The following ST3GAL5 variants were observed in gnomAD, a reference collection of about 807,000 sequenced individuals.
ST3GAL5 encodes ST3 beta-galactoside alpha-2,3-sialyltransferase 5.
In ST3GAL5, 25 loss-of-function variants were observed where a neutral mutation model predicts 46.1. The observed-to-expected ratio is 0.54, with a 90% confidence interval of 0.40 to 0.76. ST3GAL5 has a LOEUF of 0.76. Ranked by LOEUF, ST3GAL5 falls within the 30% of genes least tolerant of loss-of-function variation. The probability of loss-of-function intolerance (pLI) is 0.00; values close to 1 mark genes in which losing one functional copy is unlikely to be tolerated. For missense variants in ST3GAL5, 431 were observed against 521.2 expected (o/e 0.83, Z 1.69); for synonymous variants, 182 against 192.7 (o/e 0.94, Z 0.46).
intron 3 of ST3GAL5, chr2:85,851,836 ACT>A (rs1467042082): frequency 3.3e-6 from 2 of 611,528 alleles, no homozygotes; most frequent in Non-Finnish European, 4.9e-6. Context: ...GGAGCTGGTG[ACT>A]CTCTCGTAAA....
chr2:85,862,275 C>A (rs1684811049), intron 2 of ST3GAL5, among the ~76,000 whole-genome samples: 1 of 151,466 alleles, frequency 6.6e-6, no homozygotes, highest in African/African-American at 2.4e-5. Context: ...CGGGGCATGG[C>A]AGAGCACACA....
intron 1 of ST3GAL5, among the ~76,000 whole-genome samples, chr2:85,872,591 A>C (rs1466708080): frequency 6.6e-6 from 1 of 152,060 alleles, no homozygotes; most frequent in Non-Finnish European, 1.5e-5. Flanking sequence ...TCTCAAAAAA[A>C]AAAAAAAAAT....
In ST3GAL5 at chr2:85,848,445, G is replaced by A. The variant is rs1683090171; in HGVS notation, c.319-241C>T. 3 of 1,482,400 alleles carry A rather than the reference G, an allele frequency of 2.0e-6. No homozygotes were observed. The Admixed American group carries it at 6.1e-5, about 30-fold the overall frequency. The allele number at this position is 1,482,400 out of a possible 1,614,324, so 91.8% of individuals were successfully genotyped here. On this transcript the variant is annotated intron_variant, in intron 3 of 6. Coordinates refer to ENST00000638572, the MANE Select transcript of ST3GAL5 (RefSeq NM_003896.4). ...GTATTCATTTCATTGCACAGGCAAAGCAAGAAGGACTCCCGCCTCCCACCC... is the reference window on the plus strand; with the variant it reads ...GTATTCATTTCATTGCACAGGCAAAACAAGAAGGACTCCCGCCTCCCACCC...
At chr2:85,879,816 C>T (rs1343877719) in intron 1 of ST3GAL5, among the ~76,000 whole-genome samples, 2 of 152,262 alleles carry the variant, frequency 1.3e-5, no homozygotes, top group South Asian at 2.1e-4. Context: ...ACATATGGGC[C>T]TTTTACTAAA....
chr2:85,856,758 T>C (rs1684156394), intron 3 of ST3GAL5, among the ~76,000 whole-genome samples: 1 of 151,608 alleles, frequency 6.6e-6, no homozygotes, highest in Admixed American at 6.6e-5. Flanking sequence ...TTAATAGAGA[T>C]GATGTCTTGG....
rs112062805 is a variant in ST3GAL5 at position 85,871,962 on chromosome 2, C to T, written c.83-8477G>A. Reference sequence around the variant, plus strand: ...ATAGGCTAATATGGCCAGCAGAGCACACTCTGTGGGGTGGGAGGATTCCAA... The same window carrying T: ...ATAGGCTAATATGGCCAGCAGAGCATACTCTGTGGGGTGGGAGGATTCCAA... On this transcript the variant is annotated intron_variant, in intron 1 of 6. Transcript: ENST00000638572. Among the ~76,000 whole-genome samples, 69 of 152,296 alleles carry T rather than the reference C, an allele frequency of 4.5e-4. 2 individuals are homozygous for T. The highest frequency in any genetic ancestry group is 1.6e-3 in the African/African-American group (68 of 41,554).
chr2:85,882,067 A>G (rs1687216484), intron 1 of ST3GAL5, among the ~76,000 whole-genome samples: 2 of 152,248 alleles, frequency 1.3e-5, no homozygotes, highest in Admixed American at 1.3e-4. Context: ...GCCAATGTAC[A>G]GCTTGGGCTG....
intron 6 of ST3GAL5, among the ~76,000 whole-genome samples, chr2:85,843,833 A>G (rs1045047333): frequency 3.3e-5 from 5 of 152,234 alleles, no homozygotes; most frequent in African/African-American, 9.6e-5. Context: ...CAAAATAAAA[A>G]TCGTCCACGG....
chr2:85,847,707 A>C (rs1228023079), intron 4 of ST3GAL5, 154 bp downstream of exon 4: 22 of 1,319,312 alleles, frequency 1.7e-5, no homozygotes, highest in African/African-American at 8.9e-5. Context: ...TGGTGGGAGG[A>C]TCTCCTGAGC....
chr2:85,862,949 T>C (rs7572209), intron 2 of ST3GAL5, among the ~76,000 whole-genome samples: 26,860 of 152,220 alleles, frequency 0.18, 2,816 homozygotes, highest in South Asian at 0.34. Context: ...CTCAAACACC[T>C]GTCATCATTT....
At chr2:85,854,599 T>G (rs1361552773) in intron 3 of ST3GAL5, 1 of 152,246 alleles carries the variant, frequency 6.6e-6, no homozygotes, top group Non-Finnish European at 1.5e-5. Context: ...GCATTACTGA[T>G]GTACTCAAAG....
chr2:85,888,935 G>C lies in ST3GAL5; in HGVS notation c.-30C>G. ...ATGAGGGGGCGCCGGCCGGCCGCCA[G>C]CCCGGTACCCCGCGCCCCCACCCGC... is the stretch of plus-strand genomic sequence containing the variant. On this transcript the variant is annotated 5_prime_UTR_variant, in exon 1 of 7. Transcript: ENST00000638572. 7.6e-7 allele frequency: 1 copy of C among 1,314,470 alleles called. No individual in the cohort carries two copies. The highest frequency in any genetic ancestry group is 9.7e-7 in the Non-Finnish European group (1 of 1,029,650). The allele number at this position is 1,314,470 out of a possible 1,614,324, so 81.4% of individuals were successfully genotyped here.
intron 1 of ST3GAL5, among the ~76,000 whole-genome samples, chr2:85,886,345 G>C (rs978081435): frequency 6.6e-6 from 1 of 152,172 alleles, no homozygotes; most frequent in African/African-American, 2.4e-5. Flanking sequence ...TAAGGCAGGA[G>C]GATTGCTTGA....
Position 85,839,992 on chromosome 2 carries a change from G to A in ST3GAL5, c.*152C>T. 2 of 1,160,464 alleles carry A rather than the reference G, an allele frequency of 1.7e-6. No individual in the cohort carries two copies. The highest frequency in any genetic ancestry group is 2.4e-6 in the Non-Finnish European group (2 of 826,242). The allele number at this position is 1,160,464 out of a possible 1,614,324, so 71.9% of individuals were successfully genotyped here. A position where few individuals can be genotyped will look rare whatever the true frequency, so the allele number is the denominator to read the frequency against. Reference sequence around the variant, plus strand: ...CAAATAAATAGGAAAAAAAAAGTGGGAAGAGCTAAAATTTTTTTTGTGTTT... The same window carrying A: ...CAAATAAATAGGAAAAAAAAAGTGGAAAGAGCTAAAATTTTTTTTGTGTTT... On this transcript the variant is annotated 3_prime_UTR_variant, in exon 7 of 7. Transcript: ENST00000638572.
At chr2:85,862,207 T>C (rs1186812994) in intron 2 of ST3GAL5, among the ~76,000 whole-genome samples, 2 of 152,090 alleles carry the variant, frequency 1.3e-5, no homozygotes, top group Non-Finnish European at 2.9e-5. Context: ...AAGTTGGGAT[T>C]ATGTATAATG....
intron 1 of ST3GAL5, chr2:85,867,676 G>T: frequency 1.3e-6 from 1 of 780,656 alleles, no homozygotes; most frequent in Non-Finnish European, 2.4e-6. Flanking sequence ...CCCAGACTGA[G>T]GGTGTATACA....
At chr2:85,861,449 C>T (rs983360928) in intron 2 of ST3GAL5, among the ~76,000 whole-genome samples, 157 bp from the exon 3 acceptor site, 1 of 152,056 alleles carries the variant, frequency 6.6e-6, no homozygotes, top group African/African-American at 2.4e-5. Context: ...GGGCCATTTC[C>T]TATTTTCCTG....
chr2:85,870,364 C>A, intron 1 of ST3GAL5: 1 of 418,918 alleles, frequency 2.4e-6, no homozygotes, highest in Non-Finnish European at 5.1e-6. Context: ...GGCCTTCCTC[C>A]AAGGCTTTTG....
intron 3 of ST3GAL5, chr2:85,851,837 C>G: frequency 3.3e-6 from 2 of 613,290 alleles, no homozygotes; most frequent in Non-Finnish European, 4.9e-6. Context: ...GAGCTGGTGA[C>G]TCTCTCGTAA....
Sources: gnomAD v4.1 joint callset for allele counts (sites outside exome capture counted in the v4.1 genomes callset) on GRCh38, gnomAD v4.1.1 for gene constraint, MANE v1.5 for transcripts, NCBI Gene and HGNC (gene_info 2026-07-23, HGNC 2026-07-21) for gene names.